The following TUBB8B variants were observed in gnomAD, a reference collection of about 807,000 sequenced individuals.
The protein encoded by TUBB8B is tubulin beta 8B, also known as HSA18p11 beta-tubulin 4Q pseudogene.
A neutral mutation model predicts 31.9 loss-of-function variants in TUBB8B; 26 were observed. The observed-to-expected ratio is 0.81, with a 90% CI of 0.60 to 1.13. The LOEUF (loss-of-function observed/expected upper bound fraction) is 1.13. TUBB8B is among the 50% of genes most tolerant of loss of function. The pLI, the probability that TUBB8B is intolerant of heterozygous loss-of-function variation, is 0.00. For missense variants in TUBB8B, 467 were observed against 586.7 expected (o/e 0.80, Z 2.11); for synonymous variants, 173 against 231.0 (o/e 0.75, Z 2.28).
chr18:62,504 C>T, the TUBB8B span, among the ~76,000 whole-genome samples: 81 of 150,968 alleles, frequency 5.4e-4, 2 homozygotes, highest in East Asian at 0.011. Flanking sequence ...CTGGAAGCTC[C>T]GCCTCTTGGG....
At chr18:50,110 G>A, upstream of TUBB8B, 1 of 355,982 alleles carries the variant, frequency 2.8e-6, no homozygotes, top group Non-Finnish European at 5.5e-6. Context: ...GATTTAGCTG[G>A]AGTCTTCTGT....
In TUBB8B at chr18:47,530, T is replaced by C. The variant is rs775769723; in HGVS notation, c.1195A>G (p.Thr399Ala). The change falls in exon 4 of 4, where the codon ACG becomes GCG. Residue 399 changes from threonine (T) to alanine (A), a missense_variant. Thr to Ala is a moderately conservative substitution (Grantham distance 58). Coordinates refer to ENST00000308911, the MANE Select transcript of TUBB8B (RefSeq NM_001358689.2). ...TCCATCTCATCCATGCCCTCGCCCG[T>C]GTACCAGTGGAGGAAGGCCTTGCGC... is the stretch of plus-strand genomic sequence containing the variant. Reference protein sequence around the residue: ...FRRKAFLHWYTGEGMDEMEFT... With the variant: ...FRRKAFLHWYAGEGMDEMEFT... 6.2e-6 allele frequency: 10 copies of C among 1,606,890 alleles called. No homozygotes were observed. The highest frequency in any genetic ancestry group is 4.4e-5 in the South Asian group (4 of 90,886).
the TUBB8B span, among the ~76,000 whole-genome samples, chr18:69,854 G>A: frequency 6.6e-6 from 1 of 152,174 alleles, no homozygotes; most frequent in Non-Finnish European, 1.5e-5. Context: ...TAAATTAGAA[G>A]TCAAATAAGA....
the TUBB8B span, among the ~76,000 whole-genome samples, chr18:71,569 TAAA>T: frequency 1.4e-3 from 78 of 57,640 alleles, 1 homozygote; most frequent in African/African-American, 5.4e-3. Flanking sequence ...AAAAAAAATT[TAAA>T]AAAAAAAAAA....
At chr18:62,158 T>C in the TUBB8B span, among the ~76,000 whole-genome samples, 1 of 151,730 alleles carries the variant, frequency 6.6e-6, no homozygotes, top group Non-Finnish European at 1.5e-5. Context: ...TAATATGTCA[T>C]GCCACTCTTT....
At position 47,532 on chromosome 18, in the gene TUBB8B, T is replaced by C. The variant is rs1254712327; in HGVS notation, c.1193A>G (p.Tyr398Cys). 1.9e-6 allele frequency: 3 copies of C among 1,607,624 alleles called. No individual in the cohort carries two copies. In the African/African-American group the frequency reaches 4.0e-5, roughly 22 times the overall value. Residue 398 changes from tyrosine to cysteine, a missense_variant, in exon 4 of 4, where the codon TAC becomes TGC. By Grantham distance (194) the Tyr-to-Cys change is radical (BLOSUM62 -2). This residue lies in a region of TUBB8B where 208 missense variants were observed against 206.7 expected (regional missense o/e 1.01). Transcript: ENST00000308911. ...CATCTCATCCATGCCCTCGCCCGTG[T>C]ACCAGTGGAGGAAGGCCTTGCGCCT... The part of the protein sequence containing the change: ...MFRRKAFLHW[Y>C]TGEGMDEMEF...
At position 49,024 on chromosome 18, in the gene TUBB8B, G is replaced by A. The variant is rs1383342108; in HGVS notation, c.193C>T (p.Leu65Phe). 1.2e-5 allele frequency: 19 copies of A among 1,608,724 alleles called. 1 individual carries two copies. Among genetic ancestry groups the A allele is most frequent in the Non-Finnish European group, 1.5e-5 (18 of 1,177,652 alleles). ...SGGRYVPRAV[L>F]VDLEPGTMDS... The stretch of plus-strand genomic sequence containing the variant: ...ATGGTGCCCGGCTCCAGATCCACGA[G>A]CACAGCGCGGGGCACGTACCTGCCA... Residue 65 changes from leucine to phenylalanine, a missense_variant, in exon 3 of 4, where the codon CTC (leucine) becomes TTC (phenylalanine). Around this residue, in one of 2 missense-constraint regions of TUBB8B, gnomAD observed 259 missense variants for 380.1 expected, o/e 0.68. Transcript: ENST00000308911.
chr18:67,914 T>C, the TUBB8B span, among the ~76,000 whole-genome samples: 2 of 152,100 alleles, frequency 1.3e-5, no homozygotes, highest in Non-Finnish European at 2.9e-5. Context: ...CCTGCAATAC[T>C]GATATGATGC....
the TUBB8B span, among the ~76,000 whole-genome samples, chr18:67,509 T>A: frequency 6.6e-6 from 1 of 152,204 alleles, no homozygotes; most frequent in African/African-American, 2.4e-5. Context: ...ACCAGTTAAC[T>A]TTTTAATATT....
chr18:63,345 G>A, the TUBB8B span, among the ~76,000 whole-genome samples: 31 of 151,866 alleles, frequency 2.0e-4, no homozygotes, highest in Admixed American at 3.3e-4. Context: ...ACATGTAGAG[G>A]TACTGCTGTG....
chr18:66,387 A>G, the TUBB8B span, among the ~76,000 whole-genome samples: 1 of 152,148 alleles, frequency 6.6e-6, no homozygotes, highest in Non-Finnish European at 1.5e-5. Context: ...CCCTACCTGT[A>G]CAAAAAATCA....
upstream of TUBB8B, among the ~76,000 whole-genome samples, chr18:54,244 T>A (rs1906212188): frequency 6.6e-6 from 1 of 151,654 alleles, no homozygotes; most frequent in African/African-American, 2.4e-5. Flanking sequence ...ATTGTAATTT[T>A]TAATTAATTT....
chr18:64,392 A>T, the TUBB8B span, among the ~76,000 whole-genome samples: 2 of 152,196 alleles, frequency 1.3e-5, no homozygotes, highest in Non-Finnish European at 2.9e-5. Context: ...CTAATACTAA[A>T]GGAAGTGCTA....
Position 49,223 on chromosome 18 carries a change from G to C in TUBB8B, c.72C>G (p.Ile24Met). 1 of 1,535,978 alleles carries C rather than the reference G, an allele frequency of 6.5e-7. No homozygotes were observed. Among genetic ancestry groups the C allele is most frequent in the Non-Finnish European group, 8.7e-7 (1 of 1,145,238 alleles). Residue 24 changes from isoleucine to methionine, a missense_variant, in exon 2 of 4, where the codon ATC becomes ATG. Physicochemically the swap from Ile to Met is conservative, Grantham distance 10. This residue lies in a region of TUBB8B where 259 missense variants were observed against 380.1 expected (regional missense o/e 0.68). Transcript: ENST00000308911. ...NQIGAKFWEV[I>M]SDEHAIDSAG... ...CGGAGTCGATGGCATGTTCATCAGA[G>C]ATCACCTCCCAGAACTGCAAGAGAC...
At chr18:73,454 CA>C in the TUBB8B span, 4 of 159,578 alleles carry the variant, frequency 2.5e-5, no homozygotes, top group African/African-American at 9.7e-5. Context: ...TCCGTCCTCA[CA>C]GTGGACCCCC....
At chr18:69,215 G>A in the TUBB8B span, among the ~76,000 whole-genome samples, 12 of 152,226 alleles carry the variant, frequency 7.9e-5, no homozygotes, top group African/African-American at 1.2e-4. Context: ...ACACTGGGCC[G>A]GGCATGGTGG....
chr18:59,144 G>T, the TUBB8B span, among the ~76,000 whole-genome samples: 1 of 151,856 alleles, frequency 6.6e-6, no homozygotes, highest in African/African-American at 2.4e-5. Flanking sequence ...AATTACATTT[G>T]GGAGGGGACA....
At chr18:51,018 C>A (rs1906079880), upstream of TUBB8B, among the ~76,000 whole-genome samples, 1 of 151,870 alleles carries the variant, frequency 6.6e-6, no homozygotes, top group Non-Finnish European at 1.5e-5. Flanking sequence ...TACTTGGAAT[C>A]AGTGTAAATG....
the TUBB8B span, among the ~76,000 whole-genome samples, chr18:66,606 C>T: frequency 6.6e-6 from 1 of 152,110 alleles, no homozygotes; most frequent in South Asian, 2.1e-4. Flanking sequence ...TTTCTGAACT[C>T]AAAATTCAGT....
Sources: allele counts gnomAD v4.1 joint callset (sites outside exome capture counted in the v4.1 genomes callset), GRCh38; gene constraint gnomAD v4.1.1; regional missense constraint gnomAD v4.1.1; transcripts MANE v1.5; gene names NCBI Gene and HGNC (gene_info 2026-07-23, HGNC 2026-07-21).